Variants in AFF2 observed in about 807,000 individuals in gnomAD.
AFF2 encodes the protein ALF transcription elongation factor 2.
A neutral mutation model predicts 76.9 loss-of-function variants in AFF2; 14 were observed. That is an observed-to-expected ratio of 0.18 (90% CI 0.12 to 0.28). The LOEUF is 0.28. Among genes scored for constraint, AFF2 ranks in the 10% least tolerant of loss-of-function variants. AFF2 has a pLI of 1.00. For missense variants in AFF2, 868 were observed against 1,001.1 expected (o/e 0.87, Z 1.79); for synonymous variants, 398 against 366.7 (o/e 1.09, Z -0.98).
rs185856421 is a variant in AFF2 at position 148,833,738 on chromosome X, G to A, written c.1087-3909G>A. The stretch of plus-strand genomic sequence containing the variant: ...CTTCAATTCCTTGTCTGTGAAAAGG[G>A]TGTGAGGCTAATCCCTGCCTGTTTA... On this transcript the variant is annotated intron_variant, in intron 4 of 20. Transcript: ENST00000370460. Among the ~76,000 whole-genome samples, 7 of 112,246 alleles carry A rather than the reference G, an allele frequency of 6.2e-5. No individual in the cohort carries two copies. The East Asian group carries it at 1.7e-3, about 27-fold the overall frequency.
intron 9 of AFF2, among the ~76,000 whole-genome samples, chrX:148,944,397 C>G (rs2071875542): frequency 8.9e-6 from 1 of 111,855 alleles, no homozygotes; most frequent in Admixed American, 9.5e-5. Flanking sequence ...CTTGTGAATG[C>G]AAGCTGCCAC....
chrX:148,926,499 C>T (rs906522691), intron 9 of AFF2, among the ~76,000 whole-genome samples: 8 of 111,630 alleles, frequency 7.2e-5, no homozygotes, highest in African/African-American at 1.3e-4. Flanking sequence ...GAGTCTCCCT[C>T]CACTCTAGTC....
chrX:148,692,171 C>A (rs1210020070), intron 3 of AFF2, among the ~76,000 whole-genome samples: 2 of 111,176 alleles, frequency 1.8e-5, no homozygotes, highest in African/African-American at 3.3e-5. Context: ...ATAAAACTGT[C>A]TCACATTTTG....
intron 3 of AFF2, among the ~76,000 whole-genome samples, chrX:148,773,051 A>G (rs1557268232): frequency 9.0e-6 from 1 of 110,553 alleles, no homozygotes; most frequent in Admixed American, 9.7e-5. Flanking sequence ...TTTTTAGGAG[A>G]AATGAAGAAA....
intron 7 of AFF2, among the ~76,000 whole-genome samples, chrX:148,859,126 A>G (rs73609909): frequency 0.069 from 7,281 of 105,603 alleles, 555 homozygotes; most frequent in African/African-American, 0.21. Context: ...CATTACATTG[A>G]TTCAAAGAGA....
chrX:148,753,753 CA>C (rs2055529458), intron 3 of AFF2, among the ~76,000 whole-genome samples: 1 of 111,244 alleles, frequency 9.0e-6, no homozygotes, highest in Admixed American at 9.6e-5. Flanking sequence ...AGACTCTATC[CA>C]ATGTCCTGAA....
chrX:148,757,036 A>C (rs2055567852), intron 3 of AFF2, among the ~76,000 whole-genome samples: 2 of 112,435 alleles, frequency 1.8e-5, no homozygotes, highest in South Asian at 7.3e-4. Flanking sequence ...ATTTAAATTC[A>C]TTCTGATATA....
At chrX:148,752,475 G>T (rs2124577139) in intron 3 of AFF2, among the ~76,000 whole-genome samples, 1 of 111,492 alleles carries the variant, frequency 9.0e-6, no homozygotes, top group African/African-American at 3.3e-5. Flanking sequence ...TCCCAACTAT[G>T]GAGTTTGTCC....
chrX:148,773,746 G>GAA (rs782497527), intron 3 of AFF2, among the ~76,000 whole-genome samples: 27 of 69,202 alleles, frequency 3.9e-4, no homozygotes, highest in African/African-American at 5.7e-4. Context: ...AAGAAAGAAA[G>GAA]AGAAAGAAAG....
At chrX:148,936,830 A>G (rs1288645738) in intron 9 of AFF2, among the ~76,000 whole-genome samples, 1 of 112,553 alleles carries the variant, frequency 8.9e-6, no homozygotes, top group Non-Finnish European at 1.9e-5. Context: ...ATTACTACAT[A>G]TCTTCTAGGT....
In AFF2 at chrX:148,820,548, T is replaced by A. The variant is rs1483814705; in HGVS notation, c.1086+10628T>A. ...AACAACATGAGGAAAAATTATGAGA[T>A]AATGTTTACTGAAATAAGCAGAATA... On this transcript the variant is annotated intron_variant, in intron 4 of 20. Transcript: ENST00000370460. Among the ~76,000 whole-genome samples the A allele has an allele frequency of 3.6e-5, 4 of 111,938 alleles. No homozygotes were observed. The Admixed American group carries it at 3.8e-4, about 11-fold the overall frequency.
chrX:148,897,268 T>TATCC (rs1569556776), intron 8 of AFF2, among the ~76,000 whole-genome samples: 1 of 26,831 alleles, frequency 3.7e-5, no homozygotes, highest in Admixed American at 5.3e-4. Context: ...TATATATATA[T>TATCC]ATATGTATAT....
At chrX:148,964,400 T>C (rs1253088258) in intron 13 of AFF2, among the ~76,000 whole-genome samples, 1 of 111,638 alleles carries the variant, frequency 9.0e-6, no homozygotes, top group Non-Finnish European at 1.9e-5. Context: ...CCTTAATAGA[T>C]GAGTAGGGTT....
intron 7 of AFF2, among the ~76,000 whole-genome samples, chrX:148,884,081 T>C (rs1384578421): frequency 2.7e-5 from 3 of 112,028 alleles, no homozygotes; most frequent in Admixed American, 9.5e-5. Context: ...ATGAGAATGA[T>C]ACAGTCTTCA....
intron 3 of AFF2, among the ~76,000 whole-genome samples, chrX:148,676,740 C>A (rs1424941021): frequency 9.0e-6 from 1 of 111,378 alleles, no homozygotes; most frequent in African/African-American, 3.3e-5. Context: ...AGCTTTCCTG[C>A]AATGTAAACC....
At chrX:148,734,409 T>G (rs782034187) in intron 3 of AFF2, among the ~76,000 whole-genome samples, 2 of 111,848 alleles carry the variant, frequency 1.8e-5, no homozygotes, top group Non-Finnish European at 3.8e-5. Context: ...GCTAGTATTG[T>G]ATCCCTACTG....
chrX:148,595,037 C>T (rs1311954436), intron 1 of AFF2, among the ~76,000 whole-genome samples: 1 of 111,474 alleles, frequency 9.0e-6, no homozygotes, highest in Non-Finnish European at 1.9e-5. Context: ...AGAGAAAATT[C>T]CACAAGCCTC....
At chrX:148,586,152 T>A (rs1004914125) in intron 1 of AFF2, among the ~76,000 whole-genome samples, 1 of 111,414 alleles carries the variant, frequency 9.0e-6, no homozygotes, top group Admixed American at 9.6e-5. Context: ...GCTAAGTAAC[T>A]TGTCCAAGAT....
At chrX:148,551,502 AAAAAAAAG>A (rs2052991545) in intron 1 of AFF2, among the ~76,000 whole-genome samples, 2 of 107,586 alleles carry the variant, frequency 1.9e-5, no homozygotes, top group African/African-American at 3.4e-5. Context: ...AAAAAAAAAA[AAAAAAAAG>A]AAGAAAGAAA....
Sources: gnomAD v4.1 joint callset for allele counts (sites outside exome capture counted in the v4.1 genomes callset) on GRCh38, gnomAD v4.1.1 for gene constraint, MANE v1.5 for transcripts, NCBI Gene and HGNC (gene_info 2026-07-23, HGNC 2026-07-21) for gene names.